Variants in BPNT2 observed in about 807,000 individuals in gnomAD.
BPNT2 encodes Golgi-resident adenosine 3',5'-bisphosphate 3'-phosphatase.
In BPNT2, 11 loss-of-function variants were observed where a neutral mutation model predicts 29.3. The observed-to-expected ratio is 0.38, with a 90% confidence interval of 0.24 to 0.62. The LOEUF is 0.62. BPNT2 is among the 20% of genes least tolerant of loss of function. The pLI is 0.62. For synonymous variants in BPNT2, 195 were observed against 187.7 expected (o/e 1.04, Z -0.32); for missense variants, 459 against 473.4 (o/e 0.97, Z 0.28).
Position 56,987,877 on chromosome 8 carries a change from C to T in BPNT2, c.387+5322G>A, listed in dbSNP as rs991180258. ...CCGAGCAGGTGGGACTACAGACACC[C>T]GCCACCACGCCCAGCTAATTTTTTG... is the stretch of plus-strand genomic sequence containing the variant. On this transcript the variant is annotated intron_variant, in intron 1 of 4. Coordinates refer to ENST00000262644, the MANE Select transcript of BPNT2 (RefSeq NM_017813.5). 6.6e-5 allele frequency among the ~76,000 whole-genome samples: 10 copies of T among 151,824 alleles called. No homozygotes were observed. In the East Asian group the frequency reaches 9.7e-4, roughly 15 times the overall value.
chr8:56,967,761 A>T (rs1805974739), intron 3 of BPNT2, among the ~76,000 whole-genome samples: 2 of 152,158 alleles, frequency 1.3e-5, no homozygotes, highest in South Asian at 4.1e-4. Flanking sequence ...ACTAGAGCTG[A>T]AGAGAAGGAA....
chr8:56,983,758 T>C (rs1423962349), intron 1 of BPNT2, among the ~76,000 whole-genome samples: 1 of 151,898 alleles, frequency 6.6e-6, no homozygotes, highest in African/African-American at 2.4e-5. Context: ...TTGTTGTTGG[T>C]TTTTTTTAAC....
At chr8:56,988,262 C>T (rs1254361497) in intron 1 of BPNT2, among the ~76,000 whole-genome samples, 2 of 152,120 alleles carry the variant, frequency 1.3e-5, no homozygotes, top group Non-Finnish European at 2.9e-5. Flanking sequence ...CTTAAAAGCC[C>T]AATTTCTCAC....
chr8:56,969,514 C>G (rs10504212), intron 3 of BPNT2, among the ~76,000 whole-genome samples: 31,837 of 151,922 alleles, frequency 0.21, 3,721 homozygotes, highest in East Asian at 0.45. Context: ...TTTTCTCATA[C>G]TTGGCTGATA....
intron 1 of BPNT2, among the ~76,000 whole-genome samples, chr8:56,990,123 A>G (rs931851636): frequency 6.6e-6 from 1 of 152,180 alleles, no homozygotes; most frequent in Non-Finnish European, 1.5e-5. Flanking sequence ...GTTGAAAGAG[A>G]GAAGCTTAAC....
At chr8:56,979,308 A>T (rs554731218) in intron 2 of BPNT2, among the ~76,000 whole-genome samples, 4 of 152,346 alleles carry the variant, frequency 2.6e-5, no homozygotes, top group Non-Finnish European at 5.9e-5. Flanking sequence ...TGCACGAGGG[A>T]TGTGCTCACT....
At chr8:56,979,995 A>G (rs1806212956) in intron 2 of BPNT2, 40 bp downstream of exon 2, 1 of 1,599,128 alleles carries the variant, frequency 6.3e-7, no homozygotes, top group Non-Finnish European at 8.6e-7. Context: ...CTCTACTACT[A>G]AACGTCAATC....
At chr8:56,979,228 T>A (rs1216168869) in intron 2 of BPNT2, among the ~76,000 whole-genome samples, 3 of 152,090 alleles carry the variant, frequency 2.0e-5, no homozygotes, top group African/African-American at 7.2e-5. Flanking sequence ...AAACAATAAC[T>A]AAGCACTCAT....
chr8:56,984,131 C>A (rs1003700886), intron 1 of BPNT2, among the ~76,000 whole-genome samples: 1 of 152,196 alleles, frequency 6.6e-6, no homozygotes, highest in African/African-American at 2.4e-5. Context: ...CTGGCAACTA[C>A]TGAGCTTCAC....
chr8:56,986,000 T>G (rs1020050011), intron 1 of BPNT2, among the ~76,000 whole-genome samples: 2 of 152,344 alleles, frequency 1.3e-5, no homozygotes, highest in East Asian at 1.9e-4. Flanking sequence ...GAATCACATA[T>G]CAACATCAAC....
At chr8:56,993,019 C>T (rs1806444004) in intron 1 of BPNT2, among the ~76,000 whole-genome samples, 180 bp downstream of exon 1, 1 of 152,220 alleles carries the variant, frequency 6.6e-6, no homozygotes, top group Admixed American at 6.5e-5. Flanking sequence ...CTGAGTCAGA[C>T]TACGTGCAAC....
chr8:56,971,047 T>C (rs903394941), intron 3 of BPNT2, among the ~76,000 whole-genome samples: 14 of 152,096 alleles, frequency 9.2e-5, no homozygotes, highest in African/African-American at 3.1e-4. Context: ...CAGTACATAC[T>C]ACCAGAATAA....
chr8:56,976,501 C>A (rs1212249733), intron 3 of BPNT2, among the ~76,000 whole-genome samples: 4 of 152,036 alleles, frequency 2.6e-5, no homozygotes, highest in Non-Finnish European at 5.9e-5. Flanking sequence ...ATTGTCATAG[C>A]AATGGCATAA....
chr8:56,968,076 A>C (rs565304444), intron 3 of BPNT2, among the ~76,000 whole-genome samples: 2 of 152,226 alleles, frequency 1.3e-5, no homozygotes, highest in Non-Finnish European at 2.9e-5. Context: ...AATGCAGAGA[A>C]AAACCATAAA....
intron 1 of BPNT2, among the ~76,000 whole-genome samples, chr8:56,987,095 C>T (rs1000264647): frequency 6.6e-5 from 10 of 152,102 alleles, no homozygotes; most frequent in African/African-American, 2.4e-4. Context: ...TTCAAGGCCC[C>T]CAAACACAAT....
chr8:56,978,869 C>G (rs1217612705), intron 2 of BPNT2, among the ~76,000 whole-genome samples: 1 of 151,980 alleles, frequency 6.6e-6, no homozygotes, highest in African/African-American at 2.4e-5. Flanking sequence ...GAGGGGAACA[C>G]CACACACTGG....
intron 1 of BPNT2, among the ~76,000 whole-genome samples, chr8:56,992,754 T>G (rs914488410): frequency 8.0e-6 from 1 of 124,306 alleles, no homozygotes; most frequent in Non-Finnish European, 1.6e-5. Context: ...CTAACAGCTC[T>G]GCAACAAGAC....
In BPNT2 at chr8:56,960,054, GATCA is replaced by G. The variant is rs1393197987; in HGVS notation, c.*3735_*3738del. ...ATGAAAAATTATTTTTTCTTTCTAG[GATCA>G]ATCAACACATAGCCAATAGGTAGTT... On this transcript the variant is annotated 3_prime_UTR_variant, in exon 5 of 5. Coordinates refer to ENST00000262644, the MANE Select transcript of BPNT2 (RefSeq NM_017813.5). 2 of 152,010 alleles carry G rather than the reference GATCA, an allele frequency of 1.3e-5. No homozygotes were observed. The highest frequency in any genetic ancestry group is 1.9e-4 in the East Asian group (1 of 5,188). 9.4% of individuals were successfully genotyped at this position (152,010 alleles called of 1,614,324 possible). A position where few individuals can be genotyped will look rare whatever the true frequency, so the allele number is the denominator to read the frequency against.
chr8:56,978,664 T>TA (rs571630819), intron 2 of BPNT2, among the ~76,000 whole-genome samples: 19,299 of 143,898 alleles, frequency 0.13, 1,355 homozygotes, highest in East Asian at 0.19. Context: ...ATAGACCAGG[T>TA]AAAAAAAAAA....
Sources: allele counts gnomAD v4.1 joint callset (sites outside exome capture counted in the v4.1 genomes callset), GRCh38; gene constraint gnomAD v4.1.1; transcripts MANE v1.5; gene names NCBI Gene and HGNC (gene_info 2026-07-23, HGNC 2026-07-21).